Variants in FAT1 observed in about 807,000 individuals in gnomAD.
FAT1 encodes FAT atypical cadherin 1, also known as protocadherin Fat 1.
A neutral mutation model predicts 329.8 loss-of-function variants in FAT1; 171 were observed. That is an observed-to-expected ratio of 0.52 (90% CI 0.46 to 0.59). The LOEUF is 0.59. Ranked by LOEUF, FAT1 falls within the 20% of genes least tolerant of loss-of-function variation. The pLI is 0.00. For synonymous variants in FAT1, 2,233 were observed against 2,228.6 expected (o/e 1.00, Z -0.06); for missense variants, 5,672 against 5,774.4 (o/e 0.98, Z 0.57).
rs1739893132 is a variant in FAT1 at position 186,619,168 on chromosome 4, C to G, written c.7418G>C (p.Arg2473Thr). Residue 2473 changes from arginine to threonine, a missense_variant, in exon 10 of 27, where the codon AGA becomes ACA. By Grantham distance (71) the Arg-to-Thr change is moderately conservative. Around this residue, in one of 2 missense-constraint regions of FAT1, gnomAD observed 3,966 missense variants for 3,915.2 expected, o/e 1.01. Transcript: ENST00000441802. The part of the protein sequence containing the change: ...LNLSVSDGVF[R>T]SSTQVHVTVI... ...AGTTACATGAACCTGGGTGGAACTT[C>G]TAAAAACTCCATCAGACACTGACAG... 1 of 1,613,960 alleles carries G rather than the reference C, an allele frequency of 6.2e-7. No homozygotes were observed. The highest frequency in any genetic ancestry group is 2.2e-5 in the East Asian group (1 of 44,878).
chr4:186,651,128 A>G (rs1032039257), intron 3 of FAT1, among the ~76,000 whole-genome samples: 20 of 143,236 alleles, frequency 1.4e-4, no homozygotes, highest in African/African-American at 5.3e-4. Flanking sequence ...ATTAACAAAT[A>G]ATTACTAAAT....
At chr4:186,714,575 G>C (rs1204403516) in intron 1 of FAT1, among the ~76,000 whole-genome samples, 1 of 152,034 alleles carries the variant, frequency 6.6e-6, no homozygotes, top group Non-Finnish European at 1.5e-5. Flanking sequence ...AGATCACCAA[G>C]GAAGAGAGCA....
Position 186,701,426 on chromosome 4 carries a change from T to C in FAT1, c.3265+5137A>G, listed in dbSNP as rs145618032. 7.0e-3 allele frequency among the ~76,000 whole-genome samples: 1,066 copies of C among 152,214 alleles called. 12 individuals are homozygous for C. Among genetic ancestry groups the C allele is most frequent in the African/African-American group, 0.024 (1,006 of 41,536 alleles). On this transcript the variant is annotated intron_variant, in intron 2 of 26. Coordinates refer to ENST00000441802, the MANE Select transcript of FAT1 (RefSeq NM_005245.4). ...CTTAAGCTTTCCTAGGAGGAGAACA[T>C]AAAGAGCCAAGAGGACAGCAGCTGC...
intron 2 of FAT1, among the ~76,000 whole-genome samples, chr4:186,705,767 G>C (rs1170909184): frequency 2.0e-5 from 3 of 152,210 alleles, no homozygotes; most frequent in African/African-American, 7.2e-5. Context: ...AGCTTGGACT[G>C]CTGCCTTGGA....
At chr4:186,649,539 T>G (rs1741534674) in intron 3 of FAT1, among the ~76,000 whole-genome samples, 1 of 151,950 alleles carries the variant, frequency 6.6e-6, no homozygotes, top group African/African-American at 2.4e-5. Context: ...AAGAGAAAGG[T>G]AGAGGAGATT....
At chr4:186,680,642 C>T (rs778918089) in intron 2 of FAT1, among the ~76,000 whole-genome samples, 2 of 152,196 alleles carry the variant, frequency 1.3e-5, no homozygotes, top group East Asian at 1.9e-4. Flanking sequence ...ATCAAACCAA[C>T]GAATCAGCAA....
At chr4:186,682,452 G>A (rs1195694174) in intron 2 of FAT1, among the ~76,000 whole-genome samples, 1 of 149,310 alleles carries the variant, frequency 6.7e-6, no homozygotes, top group South Asian at 2.1e-4. Flanking sequence ...CCTTGAACTC[G>A]GGAGGTGGAG....
At chr4:186,589,256 C>T (rs2126358622) in intron 26 of FAT1, 36 bp from the exon 27 acceptor site, 1 of 1,558,874 alleles carries the variant, frequency 6.4e-7, no homozygotes, top group South Asian at 1.2e-5. Flanking sequence ...AGTGTGTTTT[C>T]TCCTAAGCTT....
At chr4:186,687,578 C>T (rs1293485756) in intron 2 of FAT1, among the ~76,000 whole-genome samples, 1 of 152,162 alleles carries the variant, frequency 6.6e-6, no homozygotes, top group Non-Finnish European at 1.5e-5. Context: ...GCTGCAAAAT[C>T]TGAAACTTTG....
rs190640120 is a variant in FAT1 at position 186,702,505 on chromosome 4, G to A, written c.3265+4058C>T. 8.3e-3 allele frequency among the ~76,000 whole-genome samples: 1,269 copies of A among 152,216 alleles called. 21 individuals are homozygous for A. Among genetic ancestry groups the A allele is most frequent in the African/African-American group, 0.03 (1,231 of 41,510 alleles). On this transcript the variant is annotated intron_variant, in intron 2 of 26. Coordinates refer to ENST00000441802, the MANE Select transcript of FAT1 (RefSeq NM_005245.4). ...CTGAAGGTCAAACACATTCCAGGGC[G>A]TCCTGTACGCAATACACACATCAGG...
intron 21 of FAT1, among the ~76,000 whole-genome samples, 151 bp from the exon 22 acceptor site, chr4:186,600,511 T>C (rs1309070269): frequency 6.6e-6 from 1 of 152,234 alleles, no homozygotes; most frequent in Non-Finnish European, 1.5e-5. Flanking sequence ...ATTTGTCCAC[T>C]GTATAAATCA....
intron 16 of FAT1, among the ~76,000 whole-genome samples, chr4:186,608,150 C>T (rs1463275684): frequency 1.3e-5 from 2 of 152,168 alleles, no homozygotes; most frequent in Non-Finnish European, 2.9e-5. Flanking sequence ...TACACGGAGC[C>T]ATATCTAAGC....
chr4:186,604,404 C>G lies in FAT1; in HGVS notation c.10521G>C (p.Glu3507Asp), dbSNP rs1421754079. 6.2e-7 allele frequency: 1 copy of G among 1,613,500 alleles called. No individual in the cohort carries two copies. The highest frequency in any genetic ancestry group is 2.2e-5 in the East Asian group (1 of 44,890). ...LLTSSAIKRK[E>D]KDHYLLQVKV... ...TCACCTGCAGTAAGTAATGATCTTT[C>G]TCCTTCCTCTTGATGGCAGATGATG... Residue 3507 changes from glutamate to aspartate, a missense_variant, in exon 18 of 27, where the codon GAG (glutamate) becomes GAC (aspartate). Physicochemically the swap from Glu to Asp is conservative, Grantham distance 45 (BLOSUM62 2). Transcript: ENST00000441802.
chr4:186,705,224 G>A (rs745356266), intron 2 of FAT1, among the ~76,000 whole-genome samples: 5 of 151,768 alleles, frequency 3.3e-5, no homozygotes, highest in East Asian at 1.9e-4. Flanking sequence ...GATTACAGGC[G>A]TGAGCCATCG....
Position 186,622,727 on chromosome 4 carries a change from A to G in FAT1, c.4811-952T>C, listed in dbSNP as rs1286009183. Among the ~76,000 whole-genome samples the G allele has an allele frequency of 2.6e-5, 4 of 152,350 alleles. No individual in the cohort carries two copies. In the East Asian group the frequency reaches 7.7e-4, roughly 29 times the overall value. On this transcript the variant is annotated intron_variant, in intron 9 of 26. Coordinates refer to ENST00000441802, the MANE Select transcript of FAT1 (RefSeq NM_005245.4). ...GCAGTTCTCTACAGCCCTTTTGGAT[A>G]AATCAGGGTGGCGTTGCAGGTTCTC...
intron 2 of FAT1, among the ~76,000 whole-genome samples, chr4:186,692,067 C>A (rs1365179569): frequency 6.6e-6 from 1 of 152,108 alleles, no homozygotes; most frequent in African/African-American, 2.4e-5. Flanking sequence ...TTCTTCCCCC[C>A]CATGTATATG....
chr4:186,697,224 G>A (rs557683416), intron 2 of FAT1, among the ~76,000 whole-genome samples: 22 of 152,190 alleles, frequency 1.4e-4, no homozygotes, highest in Admixed American at 2.6e-4. Context: ...ACTTAAACGA[G>A]GTATCAATGA....
intron 3 of FAT1, among the ~76,000 whole-genome samples, chr4:186,640,390 A>G (rs1741036936): frequency 6.6e-6 from 1 of 152,190 alleles, no homozygotes; most frequent in Admixed American, 6.5e-5. Flanking sequence ...GTCAGAAAAG[A>G]TTTTTTAAAA....
At chr4:186,629,595 G>A (rs1414793776) in intron 7 of FAT1, among the ~76,000 whole-genome samples, 7 of 152,182 alleles carry the variant, frequency 4.6e-5, no homozygotes, top group Non-Finnish European at 8.8e-5. Flanking sequence ...ACTGCGCTTC[G>A]TGGGGGCATA....
Sources: gnomAD v4.1 joint callset for allele counts (sites outside exome capture counted in the v4.1 genomes callset) on GRCh38, gnomAD v4.1.1 for gene constraint, gnomAD v4.1.1 regional missense constraint, MANE v1.5 for transcripts, NCBI Gene and HGNC (gene_info 2026-07-23, HGNC 2026-07-21) for gene names.